The following SH3RF1 variants were observed in gnomAD, a reference collection of about 807,000 sequenced individuals.
SH3RF1 encodes E3 ubiquitin-protein ligase SH3RF1.
A neutral mutation model predicts 74.0 loss-of-function variants in SH3RF1; 32 were observed. That is an observed-to-expected ratio of 0.43 (90% CI 0.33 to 0.58). The LOEUF is 0.58. Among genes scored for constraint, SH3RF1 ranks in the 20% least tolerant of loss-of-function variants. The pLI, the probability that SH3RF1 is intolerant of heterozygous loss-of-function variation, is 0.05. For missense variants in SH3RF1, 954 were observed against 1,130.9 expected (o/e 0.84, Z 2.24); for synonymous variants, 396 against 439.6 (o/e 0.90, Z 1.24).
At chr4:169,162,081 CA>C (rs774134118) in intron 2 of SH3RF1, among the ~76,000 whole-genome samples, 1 of 151,992 alleles carries the variant, frequency 6.6e-6, no homozygotes, top group Non-Finnish European at 1.5e-5. Context: ...GAGGCTGAGG[CA>C]GTAGGCAGAG....
chr4:169,102,372 C>A (rs764401221), intron 11 of SH3RF1, among the ~76,000 whole-genome samples: 40 of 152,122 alleles, frequency 2.6e-4, no homozygotes, highest in Non-Finnish European at 4.7e-4. Flanking sequence ...CTAGCTTAAT[C>A]CCTGATCAAA....
At chr4:169,172,744 A>G (rs990330311) in intron 2 of SH3RF1, among the ~76,000 whole-genome samples, 7 of 152,170 alleles carry the variant, frequency 4.6e-5, no homozygotes, top group Admixed American at 1.3e-4. Context: ...TTTGACTGAC[A>G]TTTGGGCTGG....
chr4:169,262,892 G>C (rs1463281700), intron 2 of SH3RF1, among the ~76,000 whole-genome samples: 1 of 152,144 alleles, frequency 6.6e-6, no homozygotes, highest in African/African-American at 2.4e-5. Context: ...CAGGAATGAA[G>C]TAAAGGTCAG....
intron 2 of SH3RF1, among the ~76,000 whole-genome samples, chr4:169,231,519 T>C (rs749184584): frequency 3.9e-5 from 6 of 152,106 alleles, no homozygotes; most frequent in Non-Finnish European, 5.9e-5. Flanking sequence ...TGAGCCGAGA[T>C]TGCACCACTG....
intron 2 of SH3RF1, among the ~76,000 whole-genome samples, chr4:169,227,847 T>C (rs1448092086): frequency 1.3e-5 from 2 of 152,220 alleles, no homozygotes; most frequent in African/African-American, 2.4e-5. Context: ...GTACCATCCC[T>C]GGACACGAGA....
At chr4:169,205,189 T>G (rs971038746) in intron 2 of SH3RF1, among the ~76,000 whole-genome samples, 1 of 152,200 alleles carries the variant, frequency 6.6e-6, no homozygotes, top group Non-Finnish European at 1.5e-5. Flanking sequence ...AGATTCAGAT[T>G]TTGTACATAG....
At chr4:169,160,679 CAA>C (rs1337837764) in intron 2 of SH3RF1, among the ~76,000 whole-genome samples, 1 of 152,112 alleles carries the variant, frequency 6.6e-6, no homozygotes, top group Non-Finnish European at 1.5e-5. Context: ...CAGTTTGGGT[CAA>C]GTTTCTAAAA....
At chr4:169,144,019 G>T (rs1733829388) in intron 4 of SH3RF1, among the ~76,000 whole-genome samples, 1 of 152,170 alleles carries the variant, frequency 6.6e-6, no homozygotes, top group African/African-American at 2.4e-5. Flanking sequence ...TTAGAGTTAG[G>T]TCTTTGTCCT....
Position 169,205,678 on chromosome 4 carries a change from C to T in SH3RF1, c.394-48999G>A, listed in dbSNP as rs192363981. 3.5e-4 allele frequency among the ~76,000 whole-genome samples: 53 copies of T among 152,290 alleles called. 1 individual carries two copies. The Middle Eastern group carries it at 0.014, about 39-fold the overall frequency. ...ACTCTGGAAGGAGCCCAATGAATGA[C>T]GTTAGCAGGACTAATAAATTTCTCT... On this transcript the variant is annotated intron_variant, in intron 2 of 11. Transcript: ENST00000284637.
chr4:169,180,522 A>G (rs1356689774), intron 2 of SH3RF1, among the ~76,000 whole-genome samples: 1 of 152,242 alleles, frequency 6.6e-6, no homozygotes, highest in Non-Finnish European at 1.5e-5. Flanking sequence ...GAAAGAAAAG[A>G]GATGGCCGTT....
At chr4:169,156,736 G>GA (rs1734063600) in intron 2 of SH3RF1, 57 bp from the exon 3 acceptor site, 7 of 1,474,268 alleles carry the variant, frequency 4.7e-6, no homozygotes, top group African/African-American at 1.4e-5. Flanking sequence ...AAATGTCTCT[G>GA]AAAATACAAC....
chr4:169,186,042 G>A (rs1304238028), intron 2 of SH3RF1, among the ~76,000 whole-genome samples: 1 of 152,164 alleles, frequency 6.6e-6, no homozygotes, highest in Non-Finnish European at 1.5e-5. Context: ...ACATGTGATG[G>A]GGACTGGAGT....
chr4:169,156,607 T>C lies in SH3RF1; in HGVS notation c.466A>G (p.Ser156Gly), dbSNP rs748816924. The C allele has an allele frequency of 2.1e-5, 34 of 1,613,952 alleles. 1 individual carries two copies. The African/African-American group carries it at 4.0e-4, about 19-fold the overall frequency. The change falls in exon 3 of 12, where the codon AGC becomes GGC. Residue 156 changes from serine (S) to glycine (G), a missense_variant. By Grantham distance (56) the Ser-to-Gly change is moderately conservative. Coordinates refer to ENST00000284637, the MANE Select transcript of SH3RF1 (RefSeq NM_020870.4). ...EGKEPGDLKF[S>G]KGDIIILRRQ... Reference sequence around the variant, plus strand: ...CGCAAAATGATGATGTCACCTTTGCTGAATTTAAGGTCTCCAGGCTCTTTT... The same window carrying C: ...CGCAAAATGATGATGTCACCTTTGCCGAATTTAAGGTCTCCAGGCTCTTTT...
At chr4:169,230,944 T>A (rs536828481) in intron 2 of SH3RF1, among the ~76,000 whole-genome samples, 3 of 151,872 alleles carry the variant, frequency 2.0e-5, no homozygotes, top group Admixed American at 2.0e-4. Flanking sequence ...AGCCCTCAAG[T>A]ATAAACAATA....
chr4:169,177,197 C>T (rs1734434883), intron 2 of SH3RF1, among the ~76,000 whole-genome samples: 1 of 152,236 alleles, frequency 6.6e-6, no homozygotes. Flanking sequence ...GATGGTATGG[C>T]ATCCTGTGTC....
At chr4:169,118,495 T>G (rs909466933) in intron 8 of SH3RF1, among the ~76,000 whole-genome samples, 11 of 152,342 alleles carry the variant, frequency 7.2e-5, no homozygotes, top group African/African-American at 2.6e-4. Flanking sequence ...AGAGTCTCAC[T>G]GTTGCCCAGG....
chr4:169,174,723 T>C (rs1734389671), intron 2 of SH3RF1, among the ~76,000 whole-genome samples: 2 of 152,168 alleles, frequency 1.3e-5, no homozygotes, highest in African/African-American at 4.8e-5. Flanking sequence ...GGAGTCATTT[T>C]TTCTTCTTCT....
Position 169,130,011 on chromosome 4 carries a change from A to C in SH3RF1, c.1179+35T>G, listed in dbSNP as rs559427283. 1.0e-5 allele frequency: 16 copies of C among 1,565,420 alleles called. No homozygotes were observed. In the African/African-American group the frequency reaches 1.5e-4, roughly 15 times the overall value. On this transcript the variant is annotated intron_variant, in intron 6 of 11. Coordinates refer to ENST00000284637, the MANE Select transcript of SH3RF1 (RefSeq NM_020870.4). ...GCCAGATTAACATGACTAAAGACCT[A>C]AAAGAGAAATAAAAATGGGAGAAAC...
chr4:169,156,323 A>G lies in SH3RF1; in HGVS notation c.669+81T>C, dbSNP rs190922244. On this transcript the variant is annotated intron_variant, in intron 3 of 11. Coordinates refer to ENST00000284637, the MANE Select transcript of SH3RF1 (RefSeq NM_020870.4). ...CAAAACTTGTATTTTTTTTTGCAAA[A>G]GGCAACACGAGCTATATTTCTATGT... The G allele has an allele frequency of 2.0e-5, 28 of 1,427,664 alleles. No individual in the cohort carries two copies. In the African/African-American group the frequency reaches 2.6e-4, roughly 13 times the overall value. 88.4% of individuals were successfully genotyped at this position (1,427,664 alleles called of 1,614,324 possible). A position where few individuals can be genotyped will look rare whatever the true frequency, so the allele number is the denominator to read the frequency against.
Sources: allele counts gnomAD v4.1 joint callset (sites outside exome capture counted in the v4.1 genomes callset), GRCh38; gene constraint gnomAD v4.1.1; transcripts MANE v1.5; gene names NCBI Gene and HGNC (gene_info 2026-07-23, HGNC 2026-07-21).